The following MAST2 variants were observed in gnomAD, a reference collection of about 807,000 sequenced individuals.
MAST2 encodes the protein microtubule-associated serine/threonine-protein kinase 2.
A neutral mutation model predicts 147.4 loss-of-function variants in MAST2; 70 were observed. The ratio of observed to expected loss-of-function variants is 0.47; its 90% confidence interval spans 0.39 to 0.58. The LOEUF is 0.58. Ranked by LOEUF, MAST2 falls within the 20% of genes least tolerant of loss-of-function variation. MAST2 has a pLI of 0.00. For synonymous variants in MAST2, 869 were observed against 896.8 expected (o/e 0.97, Z 0.55); for missense variants, 2,080 against 2,302.3 (o/e 0.90, Z 1.98).
intron 4 of MAST2, among the ~76,000 whole-genome samples, chr1:45,941,613 G>T (rs918882891): frequency 3.9e-5 from 6 of 152,104 alleles, no homozygotes; most frequent in Non-Finnish European, 8.8e-5. Context: ...GGATTGTTTT[G>T]TGTGTGAATG....
intron 4 of MAST2, among the ~76,000 whole-genome samples, chr1:45,904,408 AG>A (rs1650307316): frequency 6.6e-6 from 1 of 152,138 alleles, no homozygotes; most frequent in Non-Finnish European, 1.5e-5. Flanking sequence ...TCCTGACTTC[AG>A]GCGATCCACC....
At chr1:45,971,443 C>T (rs145949464) in intron 5 of MAST2, among the ~76,000 whole-genome samples, 1 of 152,184 alleles carries the variant, frequency 6.6e-6, no homozygotes. Flanking sequence ...GCCTGGAGCA[C>T]ACAGTATCTT....
chr1:46,030,853 C>A, intron 22 of MAST2, 92 bp downstream of exon 22: 1 of 1,476,776 alleles, frequency 6.8e-7, no homozygotes, highest in Non-Finnish European at 9.0e-7. Context: ...GGGAGGAGTG[C>A]AGGTGGCAGG....
At position 45,871,080 on chromosome 1, in the gene MAST2, T is replaced by TA. The variant is rs5773896; in HGVS notation, c.469-11267dup. On this transcript the variant is annotated intron_variant, in intron 3 of 28. Coordinates refer to ENST00000361297, the MANE Select transcript of MAST2 (RefSeq NM_015112.3). ...CAAATGGCATACAGTAGGTTTTCTT[T>TA]AAAAAAAAAAAAAAAAAGTCCTGTT... is the stretch of plus-strand genomic sequence containing the variant. Among the ~76,000 whole-genome samples the TA allele has an allele frequency of 2.6e-3, 366 of 139,440 alleles. 1 individual carries two copies. The highest frequency in any genetic ancestry group is 3.6e-3 in the Middle Eastern group (1 of 276). 91.5% of individuals were successfully genotyped at this position (139,440 alleles called of 152,430 possible).
intron 5 of MAST2, among the ~76,000 whole-genome samples, chr1:45,968,218 A>G (rs960647496): frequency 5.3e-5 from 8 of 152,228 alleles, no homozygotes; most frequent in Admixed American, 4.6e-4. Flanking sequence ...AGACTTATCT[A>G]TTAGACAAAT....
chr1:45,825,461 C>A (rs983098021), intron 2 of MAST2, among the ~76,000 whole-genome samples: 3 of 149,232 alleles, frequency 2.0e-5, no homozygotes, highest in Non-Finnish European at 3.0e-5. Context: ...GAGACAGAGT[C>A]TCACTTTACT....
At chr1:45,943,809 G>A (rs1470693805) in intron 4 of MAST2, among the ~76,000 whole-genome samples, 1 of 152,134 alleles carries the variant, frequency 6.6e-6, no homozygotes, top group Admixed American at 6.5e-5. Context: ...ATGCACTCAT[G>A]AATTTTTGCT....
At chr1:46,019,932 G>C (rs1557488766) in intron 11 of MAST2, among the ~76,000 whole-genome samples, 1 of 152,220 alleles carries the variant, frequency 6.6e-6, no homozygotes, top group East Asian at 1.9e-4. Flanking sequence ...CACATGAGCA[G>C]GGCTCACATC....
intron 4 of MAST2, among the ~76,000 whole-genome samples, chr1:45,922,734 G>A (rs1372041519): frequency 6.6e-6 from 1 of 152,044 alleles, no homozygotes; most frequent in East Asian, 1.9e-4. Context: ...TGCACCTGGG[G>A]GGCTCCCACC....
rs777745274 is a variant in MAST2 at position 46,035,735 on chromosome 1, C to G, written c.5066C>G (p.Thr1689Arg). The G allele has an allele frequency of 1.2e-5, 20 of 1,613,950 alleles. No individual in the cohort carries two copies. Among genetic ancestry groups the G allele is most frequent in the East Asian group, 2.2e-5 (1 of 44,868 alleles). The part of the protein sequence containing the change: ...GLANLQDLEN[T>R]TPAQPKNLSP... ...GCCAACCTCCAGGATTTGGAAAACACAACTCCAGCCCAGCCTAAGAACCTG... is the reference window on the plus strand; with the variant it reads ...GCCAACCTCCAGGATTTGGAAAACAGAACTCCAGCCCAGCCTAAGAACCTG... Residue 1689 changes from threonine to arginine, a missense_variant, in exon 29 of 29, where the codon ACA (threonine) becomes AGA (arginine). Thr to Arg is a moderately conservative substitution (Grantham distance 71, BLOSUM62 -1). Coordinates refer to ENST00000361297, the MANE Select transcript of MAST2 (RefSeq NM_015112.3). The surrounding 1 kb of genome is among the most constrained non-coding windows in gnomAD (Gnocchi z 5.5).
Position 46,025,801 on chromosome 1 carries a change from C to T in MAST2, c.1905C>T (p.Asp635=), listed in dbSNP as rs1646383568. 6.2e-7 allele frequency: 1 copy of T among 1,614,068 alleles called. No individual in the cohort carries two copies. Among genetic ancestry groups the T allele is most frequent in the African/African-American group, 1.3e-5 (1 of 74,916 alleles). The part of the protein sequence containing the change: ...YLHNYGIVHR[D]LKPDNLLITS... Reference sequence around the variant, plus strand: ...ACAACTATGGCATCGTGCACCGTGACCTCAAGCCTGACAAGTATGTCCACA... The same window carrying T: ...ACAACTATGGCATCGTGCACCGTGATCTCAAGCCTGACAAGTATGTCCACA... Residue 635 remains aspartate, a synonymous_variant, in exon 16 of 29, where the codon GAC becomes GAT. Coordinates refer to ENST00000361297, the MANE Select transcript of MAST2 (RefSeq NM_015112.3).
intron 4 of MAST2, among the ~76,000 whole-genome samples, chr1:45,932,958 C>A (rs932389580): frequency 6.8e-6 from 1 of 146,530 alleles, no homozygotes; most frequent in East Asian, 2.1e-4. Flanking sequence ...GTGGAGAATG[C>A]TTTTTAAAAG....
chr1:45,992,785 GGTTT>G (rs1343683863), intron 5 of MAST2, among the ~76,000 whole-genome samples: 2 of 151,828 alleles, frequency 1.3e-5, no homozygotes, highest in African/African-American at 4.8e-5. Context: ...TTGTTGATGT[GGTTT>G]GTTTATGTCT....
chr1:45,837,786 A>T lies in MAST2; in HGVS notation c.468+8205A>T, dbSNP rs544248097. ...TTATCAGTACTAGGTATTATCATAT[A>T]TTTTTTTTTGAGATGGAGTTTCACT... On this transcript the variant is annotated intron_variant, in intron 3 of 28. Transcript: ENST00000361297. Among the ~76,000 whole-genome samples, 33 of 151,368 alleles carry T rather than the reference A, an allele frequency of 2.2e-4. No homozygotes were observed. In the South Asian group the frequency reaches 5.0e-3, roughly 23 times the overall value.
At chr1:46,006,741 C>T in intron 8 of MAST2, 1 of 178,694 alleles carries the variant, frequency 5.6e-6, no homozygotes, top group East Asian at 1.4e-4. Context: ...CAACCCATCA[C>T]CCCAGGAGGT....
chr1:45,883,912 G>GCCTCCCCCCCCCCCCCCC lies in MAST2; in HGVS notation c.500+1519_500+1520insTCCCCCCCCCCCCCCCCC. Among the ~76,000 whole-genome samples, 22 of 2,506 alleles carry GCCTCCCCCCCCCCCCCCC rather than the reference G, an allele frequency of 8.8e-3. 7 individuals are homozygous for GCCTCCCCCCCCCCCCCCC. Among genetic ancestry groups the GCCTCCCCCCCCCCCCCCC allele is most frequent in the Non-Finnish European group, 0.015 (15 of 1,004 alleles). The allele number at this position is 2,506 out of a possible 152,430, so 1.6% of individuals were successfully genotyped here. A position where few individuals can be genotyped will look rare whatever the true frequency, so the allele number is the denominator to read the frequency against. On this transcript the variant is annotated intron_variant, in intron 4 of 28. Transcript: ENST00000361297. Reference sequence around the variant, plus strand: ...ACTTGGTCATTTTTCTACTATTTCTGCCCCCCCCGCTTTTTTTTGGTTGCT... The same window carrying GCCTCCCCCCCCCCCCCCC: ...ACTTGGTCATTTTTCTACTATTTCTGCCTCCCCCCCCCCCCCCCCCCCCCCCGCTTTTTTTTGGTTGCT...
chr1:46,001,593 G>C (rs1407063324), intron 6 of MAST2, among the ~76,000 whole-genome samples: 2 of 152,190 alleles, frequency 1.3e-5, no homozygotes. Context: ...CTGAACCTCA[G>C]AGACTAGGTT....
chr1:45,954,388 C>T (rs1254251807), intron 4 of MAST2, among the ~76,000 whole-genome samples: 2 of 152,138 alleles, frequency 1.3e-5, no homozygotes, highest in African/African-American at 2.4e-5. Flanking sequence ...AGAGAATGCA[C>T]GATATGCCTT....
At chr1:45,845,378 A>C (rs1490176808) in intron 3 of MAST2, among the ~76,000 whole-genome samples, 1 of 152,020 alleles carries the variant, frequency 6.6e-6, no homozygotes. Flanking sequence ...TTTAATTTTC[A>C]GAGGTTAAAA....
Sources: gnomAD v4.1 joint callset for allele counts (sites outside exome capture counted in the v4.1 genomes callset) on GRCh38, gnomAD v4.1.1 for gene constraint, Gnocchi (gnomAD v3.1) non-coding constraint, MANE v1.5 for transcripts, NCBI Gene and HGNC (gene_info 2026-07-23, HGNC 2026-07-21) for gene names.